NRP1: variants seen among roughly 807,000 people sequenced by gnomAD.
NRP1 encodes the protein neuropilin 1.
In NRP1, 35 loss-of-function variants were observed where a neutral mutation model predicts 106.7. The ratio of observed to expected loss-of-function variants is 0.33; its 90% CI spans 0.25 to 0.43. NRP1 has a LOEUF of 0.43. Ranked by LOEUF, NRP1 falls within the 20% of genes least tolerant of loss-of-function variation. The probability of loss-of-function intolerance (pLI) is 1.00; values close to 1 mark genes in which losing one functional copy is unlikely to be tolerated. For missense variants in NRP1, 1,024 were observed against 1,170.4 expected (o/e 0.87, Z 1.83); for synonymous variants, 437 against 417.9 (o/e 1.05, Z -0.56).
At chr10:33,268,354 T>A (rs1034412792) in intron 3 of NRP1, among the ~76,000 whole-genome samples, 13 of 152,136 alleles carry the variant, frequency 8.5e-5, no homozygotes, top group Non-Finnish European at 1.5e-4. Context: ...TGGGCCTATT[T>A]GGTTAATGGC....
At chr10:33,220,928 A>G (rs1839195631) in intron 8 of NRP1, among the ~76,000 whole-genome samples, 1 of 151,478 alleles carries the variant, frequency 6.6e-6, no homozygotes, top group African/African-American at 2.4e-5. Context: ...AAAAAAGAAA[A>G]ACAAATAAAA....
At chr10:33,270,421 G>A (rs1409765477) in intron 3 of NRP1, among the ~76,000 whole-genome samples, 1 of 151,098 alleles carries the variant, frequency 6.6e-6, no homozygotes, top group Non-Finnish European at 1.5e-5. Flanking sequence ...CCACCTCCCA[G>A]GTTCAAGTGA....
chr10:33,258,510 C>T (rs1273038292), intron 4 of NRP1, among the ~76,000 whole-genome samples: 2 of 152,192 alleles, frequency 1.3e-5, no homozygotes, highest in Non-Finnish European at 2.9e-5. Flanking sequence ...GTGAGGAGGA[C>T]TGATACAGAT....
At chr10:33,202,767 C>T in intron 11 of NRP1, 124 bp downstream of exon 11, 1 of 1,584,506 alleles carries the variant, frequency 6.3e-7, no homozygotes, top group South Asian at 1.1e-5. Context: ...TCTGGCAAGG[C>T]AGCTTCTATT....
At chr10:33,279,568 TC>T (rs1843959452) in intron 2 of NRP1, among the ~76,000 whole-genome samples, 1 of 152,192 alleles carries the variant, frequency 6.6e-6, no homozygotes, top group Non-Finnish European at 1.5e-5. Context: ...AATCTCCCTT[TC>T]TTGAGGTTGA....
In NRP1 at chr10:33,197,656, G is replaced by T; in HGVS notation, c.1918C>A (p.Gln640Lys). 6.2e-7 allele frequency: 1 copy of T among 1,603,298 alleles called. No homozygotes were observed. Residue 640 changes from glutamine to lysine, a missense_variant, in exon 12 of 17, where the codon CAA (glutamine) becomes AAA (lysine). By Grantham distance (53) the Gln-to-Lys change is moderately conservative (BLOSUM62 1). Transcript: ENST00000374867. ...EKPTVIDSTI[Q>K]SEFPTYGFNC... ...TTCGTATTTTATTTGATACCTGATT[G>T]TATGGTGCTGTCTATGACCGTGGGC... is the stretch of plus-strand genomic sequence containing the variant.
intron 8 of NRP1, 124 bp downstream of exon 8, chr10:33,221,595 T>C (rs1378321300): frequency 6.7e-5 from 76 of 1,128,650 alleles, no homozygotes; most frequent in Non-Finnish European, 9.1e-5. Flanking sequence ...GTAGATGCTT[T>C]TAATTGTCAA....
chr10:33,230,299 C>A (rs1358901862), intron 6 of NRP1, among the ~76,000 whole-genome samples: 1 of 152,152 alleles, frequency 6.6e-6, no homozygotes, highest in Non-Finnish European at 1.5e-5. Flanking sequence ...AGACTTCATG[C>A]CTTGGTGTTC....
intron 2 of NRP1, among the ~76,000 whole-genome samples, chr10:33,312,966 G>C (rs1846714976): frequency 1.3e-5 from 2 of 152,204 alleles, no homozygotes; most frequent in South Asian, 4.1e-4. Context: ...CTTGGTTTGC[G>C]GCTCCTGTAG....
intron 2 of NRP1, among the ~76,000 whole-genome samples, chr10:33,314,954 C>T (rs1846914112): frequency 6.6e-6 from 1 of 152,152 alleles, no homozygotes; most frequent in South Asian, 2.1e-4. Flanking sequence ...CGGAAGCAGG[C>T]TCTAAATTAT....
At chr10:33,247,969 G>A (rs1032377716) in intron 6 of NRP1, among the ~76,000 whole-genome samples, 1 of 152,174 alleles carries the variant, frequency 6.6e-6, no homozygotes, top group Non-Finnish European at 1.5e-5. Context: ...ACCTCACTTT[G>A]TAAGACTAAA....
At chr10:33,310,064 C>T (rs1368904655) in intron 2 of NRP1, among the ~76,000 whole-genome samples, 2 of 151,622 alleles carry the variant, frequency 1.3e-5, no homozygotes, top group Admixed American at 6.6e-5. Flanking sequence ...TCTCCTGCCT[C>T]AGCCTCCTGA....
At chr10:33,232,278 A>T (rs1840199998) in intron 6 of NRP1, among the ~76,000 whole-genome samples, 1 of 152,174 alleles carries the variant, frequency 6.6e-6, no homozygotes, top group Non-Finnish European at 1.5e-5. Flanking sequence ...CACAATAACC[A>T]TAATTAAGTA....
intron 3 of NRP1, among the ~76,000 whole-genome samples, chr10:33,266,004 C>T (rs1842893682): frequency 6.6e-6 from 1 of 151,952 alleles, no homozygotes; most frequent in African/African-American, 2.4e-5. Context: ...AAACAGTTAC[C>T]CTGGAGACCT....
At position 33,281,679 on chromosome 10, in the gene NRP1, G is replaced by A. The variant is rs1844141647; in HGVS notation, c.249-10823C>T. 4.6e-5 allele frequency among the ~76,000 whole-genome samples: 7 copies of A among 152,170 alleles called. 1 individual carries two copies. Among genetic ancestry groups the A allele is most frequent in the Admixed American group, 4.6e-4 (7 of 15,282 alleles). ...CTGGATAGGTCACTAACTGACTTCTGTGAGTCTCAGTGGCTCGTCTGTAAA... is the reference window on the plus strand; with the variant it reads ...CTGGATAGGTCACTAACTGACTTCTATGAGTCTCAGTGGCTCGTCTGTAAA... On this transcript the variant is annotated intron_variant, in intron 2 of 16. Coordinates refer to ENST00000374867, the MANE Select transcript of NRP1 (RefSeq NM_003873.7).
intron 2 of NRP1, among the ~76,000 whole-genome samples, chr10:33,307,372 C>A (rs1047551522): frequency 6.6e-6 from 1 of 152,068 alleles, no homozygotes; most frequent in Non-Finnish European, 1.5e-5. Context: ...GTATGACGGA[C>A]GAGCTGAACA....
chr10:33,323,198 C>A (rs1403652773), intron 2 of NRP1, among the ~76,000 whole-genome samples: 1 of 151,664 alleles, frequency 6.6e-6, no homozygotes, highest in East Asian at 1.9e-4. Context: ...TGAGAAGCCC[C>A]CCCATCCTTC....
intron 2 of NRP1, among the ~76,000 whole-genome samples, chr10:33,327,459 C>T (rs528785112): frequency 6.6e-6 from 1 of 152,068 alleles, no homozygotes; most frequent in Non-Finnish European, 1.5e-5. Flanking sequence ...TTGTTCTTAA[C>T]AAGAGTGATA....
At chr10:33,235,622 A>G (rs768228194) in intron 6 of NRP1, among the ~76,000 whole-genome samples, 4 of 152,256 alleles carry the variant, frequency 2.6e-5, no homozygotes, top group African/African-American at 7.2e-5. Flanking sequence ...TGTATTCACC[A>G]AAACCAGACA....
Sources: gnomAD v4.1 joint callset for allele counts (sites outside exome capture counted in the v4.1 genomes callset) on GRCh38, gnomAD v4.1.1 for gene constraint, MANE v1.5 for transcripts, NCBI Gene and HGNC (gene_info 2026-07-23, HGNC 2026-07-21) for gene names.